Variants in CDK6 observed in about 807,000 individuals in gnomAD.
CDK6 encodes the protein cyclin-dependent kinase 6.
CDK6 carries 6 observed loss-of-function variants against 37.1 expected under a neutral mutation model. The observed-to-expected ratio is 0.16, with a 90% CI of 0.09 to 0.32. CDK6 has a LOEUF of 0.32. Ranked by LOEUF, CDK6 falls within the 10% of genes least tolerant of loss-of-function variation. CDK6 has a pLI of 1.00. For missense variants in CDK6, 224 were observed against 418.9 expected (o/e 0.53, Z 4.06); for synonymous variants, 160 against 161.3 (o/e 0.99, Z 0.06).
intron 5 of CDK6, among the ~76,000 whole-genome samples, chr7:92,635,285 T>C (rs1305371807): frequency 6.6e-6 from 1 of 152,192 alleles, no homozygotes; most frequent in Admixed American, 6.5e-5. Flanking sequence ...TTAGGTTCCC[T>C]GTAGGGATTT....
chr7:92,625,552 C>T (rs1349095801), intron 5 of CDK6, among the ~76,000 whole-genome samples: 1 of 144,400 alleles, frequency 6.9e-6, no homozygotes, highest in Non-Finnish European at 1.5e-5. Context: ...CAAAACAAAA[C>T]AAAACAAAAC....
intron 4 of CDK6, 89 bp from the exon 5 acceptor site, chr7:92,671,624 T>C: frequency 1.6e-6 from 1 of 640,776 alleles, no homozygotes; most frequent in South Asian, 2.7e-5. Context: ...TGACAAGATG[T>C]AGTTCAGAAA....
chr7:92,741,512 T>C (rs116713995), intron 3 of CDK6, among the ~76,000 whole-genome samples: 2,330 of 152,316 alleles, frequency 0.015, 73 homozygotes, highest in African/African-American at 0.054. Context: ...TAAAAATGTT[T>C]GGAAAGAGAT....
intron 5 of CDK6, among the ~76,000 whole-genome samples, chr7:92,657,642 T>G (rs1278987509): frequency 6.6e-6 from 1 of 152,216 alleles, no homozygotes; most frequent in Non-Finnish European, 1.5e-5. Flanking sequence ...CAGTGAATTT[T>G]ACAGTTGAAA....
rs541745270 is a variant in CDK6 at position 92,730,409 on chromosome 7, C to T, written c.370-4616G>A. ...GGAGGCCACAGACTAAAATGTATCA[C>T]ATATAACAAAGGTTTTTTAACACTA... is the stretch of plus-strand genomic sequence containing the variant. On this transcript the variant is annotated intron_variant, in intron 3 of 7. Coordinates refer to ENST00000424848, the MANE Select transcript of CDK6 (RefSeq NM_001145306.2). 3.3e-5 allele frequency among the ~76,000 whole-genome samples: 5 copies of T among 152,248 alleles called. No individual in the cohort carries two copies. The South Asian group carries it at 1.0e-3, about 32-fold the overall frequency.
intron 3 of CDK6, among the ~76,000 whole-genome samples, chr7:92,739,380 A>C (rs1373689243): frequency 6.6e-6 from 1 of 152,210 alleles, no homozygotes; most frequent in African/African-American, 2.4e-5. Context: ...TTTTTAGAAT[A>C]GTCCCTGGTA....
chr7:92,735,439 G>A (rs1798762600), intron 3 of CDK6, among the ~76,000 whole-genome samples: 2 of 152,106 alleles, frequency 1.3e-5, no homozygotes, highest in Non-Finnish European at 2.9e-5. Context: ...GTAGTCCCCA[G>A]TGTCTATGAA....
At chr7:92,616,030 C>T (rs370284762) in intron 7 of CDK6, among the ~76,000 whole-genome samples, 2 of 152,290 alleles carry the variant, frequency 1.3e-5, no homozygotes, top group African/African-American at 2.4e-5. Flanking sequence ...CTTCCATCAA[C>T]GCCTCCTGCT....
intron 2 of CDK6, among the ~76,000 whole-genome samples, chr7:92,826,469 A>G (rs1390146114): frequency 6.6e-6 from 1 of 152,098 alleles, no homozygotes; most frequent in Non-Finnish European, 1.5e-5. Flanking sequence ...ACAGGTGGAG[A>G]GTGGTGCAGG....
rs140089583 is a variant in CDK6 at position 92,708,157 on chromosome 7, T to G, written c.537+17469A>C. On this transcript the variant is annotated intron_variant, in intron 4 of 7. Coordinates refer to ENST00000424848, the MANE Select transcript of CDK6 (RefSeq NM_001145306.2). ...TACAACTTTCTTTGAAACCCCAGTT[T>G]GATTATCTGACTTTTGAAATTGAGA... is the stretch of plus-strand genomic sequence containing the variant. Among the ~76,000 whole-genome samples, 356 of 152,342 alleles carry G rather than the reference T, an allele frequency of 2.3e-3. 1 individual carries two copies. Among genetic ancestry groups the G allele is most frequent in the African/African-American group, 8.3e-3 (346 of 41,574 alleles).
chr7:92,831,894 G>C (rs1249034056), intron 2 of CDK6, among the ~76,000 whole-genome samples: 2 of 152,160 alleles, frequency 1.3e-5, no homozygotes, highest in East Asian at 3.8e-4. Flanking sequence ...TATTTCAAAG[G>C]TCAGTCTTGG....
At chr7:92,828,034 CTAAG>C (rs1244107429) in intron 2 of CDK6, among the ~76,000 whole-genome samples, 15 of 152,094 alleles carry the variant, frequency 9.9e-5, no homozygotes, top group Admixed American at 2.6e-4. Flanking sequence ...CAGACAAGTA[CTAAG>C]TGTTTCAATT....
intron 2 of CDK6, among the ~76,000 whole-genome samples, chr7:92,795,703 C>G (rs1800392105): frequency 6.6e-6 from 1 of 152,122 alleles, no homozygotes; most frequent in Non-Finnish European, 1.5e-5. Context: ...CTAAATCTTC[C>G]AAGTCTAAAT....
At position 92,674,087 on chromosome 7, in the gene CDK6, CTTTT is replaced by C. The variant is rs35748209; in HGVS notation, c.538-2556_538-2553del. On this transcript the variant is annotated intron_variant, in intron 4 of 7. Coordinates refer to ENST00000424848, the MANE Select transcript of CDK6 (RefSeq NM_001145306.2). ...GAGCCACTGCGCCTCCCCCTTTCTT[CTTTT>C]TTTTTTTTTTTGAGTTCTTCAACTA... Among the ~76,000 whole-genome samples the C allele has an allele frequency of 1.9e-3, 271 of 140,532 alleles. 2 individuals are homozygous for C. The highest frequency in any genetic ancestry group is 6.8e-3 in the African/African-American group (261 of 38,412). 92.2% of individuals were successfully genotyped at this position (140,532 alleles called of 152,430 possible).
In CDK6 at chr7:92,618,118, T is replaced by G; in HGVS notation, c.788A>C (p.Glu263Ala). The G allele has an allele frequency of 6.2e-7, 1 of 1,614,166 alleles. No homozygotes were observed. Among genetic ancestry groups the G allele is most frequent in the East Asian group, 2.2e-5 (1 of 44,892 alleles). The change falls in exon 7 of 8, where the codon GAG becomes GCG. Residue 263 changes from glutamate to alanine, a missense_variant. By Grantham distance (107) the Glu-to-Ala change is moderately radical. Around this residue, in one of 5 missense-constraint regions of CDK6, gnomAD observed 90 missense variants for 136.2 expected, o/e 0.66. Coordinates refer to ENST00000424848, the MANE Select transcript of CDK6 (RefSeq NM_001145306.2). Reference sequence around the variant, plus strand: ...TTCATCGATATCTGTTACAAACTTCTCAATTGGTTGGGCAGATTTTGAATG... The same window carrying G: ...TTCATCGATATCTGTTACAAACTTCGCAATTGGTTGGGCAGATTTTGAATG... ...AFHSKSAQPIEKFVTDIDELG... is the reference protein window; with the variant it reads ...AFHSKSAQPIAKFVTDIDELG...
chr7:92,632,051 C>A (rs1045773125), intron 5 of CDK6, among the ~76,000 whole-genome samples: 1 of 152,060 alleles, frequency 6.6e-6, no homozygotes, highest in African/African-American at 2.4e-5. Flanking sequence ...ACCTCTGAAT[C>A]CACTGGTTTT....
chr7:92,737,849 T>C (rs1434049597), intron 3 of CDK6, among the ~76,000 whole-genome samples: 1 of 152,196 alleles, frequency 6.6e-6, no homozygotes, highest in African/African-American at 2.4e-5. Flanking sequence ...AGGGTTTTTA[T>C]TATGGGTCAT....
At chr7:92,750,173 A>G (rs1381817105) in intron 3 of CDK6, among the ~76,000 whole-genome samples, 3 of 152,206 alleles carry the variant, frequency 2.0e-5, no homozygotes, top group Non-Finnish European at 4.4e-5. Flanking sequence ...ACACATTTAT[A>G]TGGCTTTTGG....
At chr7:92,770,737 G>C (rs1434939991) in intron 3 of CDK6, among the ~76,000 whole-genome samples, 1 of 152,018 alleles carries the variant, frequency 6.6e-6, no homozygotes, top group Non-Finnish European at 1.5e-5. Flanking sequence ...GAGCATCCTA[G>C]TTTTATCCAA....
Sources: allele counts gnomAD v4.1 joint callset (sites outside exome capture counted in the v4.1 genomes callset), GRCh38; gene constraint gnomAD v4.1.1; regional missense constraint gnomAD v4.1.1; transcripts MANE v1.5; gene names NCBI Gene and HGNC (gene_info 2026-07-23, HGNC 2026-07-21).